Variants in SAAL1 observed in about 807,000 individuals in gnomAD.
The protein encoded by SAAL1 is protein SAAL1.
A neutral mutation model predicts 59.8 loss-of-function variants in SAAL1; 42 were observed. That is an observed-to-expected ratio of 0.70 (90% CI 0.55 to 0.91). SAAL1 has a LOEUF of 0.91. Ranked by LOEUF, SAAL1 falls within the 40% of genes least tolerant of loss-of-function variation. The pLI is 0.00. For missense variants in SAAL1, 542 were observed against 561.1 expected (o/e 0.97, Z 0.34); for synonymous variants, 191 against 194.3 (o/e 0.98, Z 0.14).
chr11:18,088,621 C>T (rs1391268858), intron 7 of SAAL1, among the ~76,000 whole-genome samples: 1 of 152,152 alleles, frequency 6.6e-6, no homozygotes, highest in Non-Finnish European at 1.5e-5. Flanking sequence ...GAGTTGACTG[C>T]AATGGGAAAA....
At chr11:18,081,825 A>C in intron 10 of SAAL1, 3 of 232,198 alleles carry the variant, frequency 1.3e-5, no homozygotes, top group Non-Finnish European at 1.7e-5. Context: ...TCTTACCCCC[A>C]TCCCTCCTCT....
At chr11:18,081,623 A>G (rs1848410838) in intron 10 of SAAL1, 120 bp from the exon 11 acceptor site, 4 of 706,950 alleles carry the variant, frequency 5.7e-6, no homozygotes, top group Admixed American at 2.3e-5. Flanking sequence ...CAAATGTCCC[A>G]CCTGAACCCA....
At position 18,105,921 on chromosome 11, in the gene SAAL1, T is replaced by G. The variant is rs149299177; in HGVS notation, c.121A>C (p.Ser41Arg). 290 of 1,603,492 alleles carry G rather than the reference T, an allele frequency of 1.8e-4. No homozygotes were observed. The African/African-American group carries it at 3.4e-3, about 19-fold the overall frequency. ...YSKHWLFGVL[S>R]GLIQIVSPEN... is the part of the protein sequence containing the mutation. ...AGTTTCCACACCTGGATGAGTCCGC[T>G]GAGGACGCCGAAGAGCCAGTGTTTG... The change falls in exon 1 of 12, where the codon AGC (serine) becomes CGC (arginine). Residue 41 changes from serine to arginine, a missense_variant. Coordinates refer to ENST00000524803, the MANE Select transcript of SAAL1 (RefSeq NM_138421.3).
At chr11:18,097,849 A>G (rs1392400342) in intron 2 of SAAL1, among the ~76,000 whole-genome samples, 4 of 141,530 alleles carry the variant, frequency 2.8e-5, no homozygotes, top group African/African-American at 1.1e-4. Context: ...AAAAAAAAAA[A>G]AAAGGTAAAA....
In SAAL1 at chr11:18,084,984, T is replaced by C. The variant is rs1192936116; in HGVS notation, c.1043-1253A>G. On this transcript the variant is annotated intron_variant, in intron 9 of 11. Coordinates refer to ENST00000524803, the MANE Select transcript of SAAL1 (RefSeq NM_138421.3). ...TTTCACCATGTTAGCCAGACTGACT[T>C]TGAACTCCTGACCTCAGGTAATCTG... Among the ~76,000 whole-genome samples the C allele has an allele frequency of 3.9e-5, 6 of 152,296 alleles. No homozygotes were observed. In the East Asian group the frequency reaches 1.2e-3, roughly 29 times the overall value.
Position 18,103,011 on chromosome 11 carries a change from C to T in SAAL1, c.249+222G>A, listed in dbSNP as rs180708607. Among the ~76,000 whole-genome samples, 17 of 152,256 alleles carry T rather than the reference C, an allele frequency of 1.1e-4. No homozygotes were observed. The East Asian group carries it at 3.1e-3, about 28-fold the overall frequency. On this transcript the variant is annotated intron_variant, in intron 2 of 11. Transcript: ENST00000524803. Reference sequence around the variant, plus strand: ...TATAGGAATACATTCATAAGAGCTACGTATTTAGTCCGAATCTGTTGAGAG... The same window carrying T: ...TATAGGAATACATTCATAAGAGCTATGTATTTAGTCCGAATCTGTTGAGAG...
At chr11:18,081,284 A>G in intron 11 of SAAL1, 127 bp downstream of exon 11, 1 of 636,488 alleles carries the variant, frequency 1.6e-6, no homozygotes, top group Non-Finnish European at 2.8e-6. Context: ...TATCTGACAA[A>G]GGCATTAAGT....
intron 3 of SAAL1, among the ~76,000 whole-genome samples, chr11:18,093,287 GT>G (rs1018500566): frequency 1.3e-5 from 2 of 152,158 alleles, no homozygotes; most frequent in Admixed American, 1.3e-4. Flanking sequence ...ACATGAAAAG[GT>G]AAAAGTTCTT....
intron 9 of SAAL1, among the ~76,000 whole-genome samples, chr11:18,084,102 C>T (rs182602151): frequency 6.6e-6 from 1 of 152,160 alleles, no homozygotes; most frequent in African/African-American, 2.4e-5. Flanking sequence ...TTTGAGAGGC[C>T]AAGATGGGCG....
In SAAL1 at chr11:18,090,162, C is replaced by T. The variant is rs761293453; in HGVS notation, c.589+13G>A. The T allele has an allele frequency of 7.6e-6, 12 of 1,574,636 alleles. No homozygotes were observed. The East Asian group carries it at 2.2e-4, about 29-fold the overall frequency. On this transcript the variant is annotated intron_variant, in intron 6 of 11. Transcript: ENST00000524803. ...TTTAAAACATTTTTTTTCTAGAGTA[C>T]ATGATGACTTACCATTTGTTGAACT...
intron 4 of SAAL1, 33 bp downstream of exon 4, chr11:18,092,212 T>C (rs1291912863): frequency 1.9e-6 from 2 of 1,074,342 alleles, no homozygotes; most frequent in Admixed American, 2.1e-5. Flanking sequence ...TAAATGAATA[T>C]ATTAAAAAAC....
intron 2 of SAAL1, among the ~76,000 whole-genome samples, chr11:18,100,055 C>T (rs1848619210): frequency 6.6e-6 from 1 of 152,192 alleles, no homozygotes; most frequent in African/African-American, 2.4e-5. Flanking sequence ...GCGCTGTTTT[C>T]TCAATTTTAA....
chr11:18,090,526 C>G (rs1339711738), intron 4 of SAAL1, 33 bp from the exon 5 acceptor site: 13 of 1,581,350 alleles, frequency 8.2e-6, no homozygotes, highest in Non-Finnish European at 1.1e-5. Flanking sequence ...CGATATGCCT[C>G]ACTTCTCGCA....
Position 18,103,229 on chromosome 11 carries a change from A to C in SAAL1, c.249+4T>G. On this transcript the variant is annotated splice_donor_region_variant and intron_variant, in intron 2 of 11. Coordinates refer to ENST00000524803, the MANE Select transcript of SAAL1 (RefSeq NM_138421.3). ...TCTTCAGAGTTTTGTTTCCAGCCTC[A>C]TACCTCATCCATTGACATATCCCAT... 1 of 1,588,640 alleles carries C rather than the reference A, an allele frequency of 6.3e-7. No individual in the cohort carries two copies. Among genetic ancestry groups the C allele is most frequent in the South Asian group, 1.1e-5 (1 of 90,548 alleles).
At chr11:18,101,820 TAAAA>T (rs58015469) in intron 2 of SAAL1, among the ~76,000 whole-genome samples, 7 of 113,178 alleles carry the variant, frequency 6.2e-5, no homozygotes, top group Admixed American at 9.8e-5. Context: ...CATTCAGCAA[TAAAA>T]AAAAAAAAAA....
At chr11:18,092,450 G>T (rs2134060450) in intron 3 of SAAL1, 126 bp from the exon 4 acceptor site, 2 of 671,346 alleles carry the variant, frequency 3.0e-6, no homozygotes, top group Middle Eastern at 2.5e-4. Context: ...GCAGGATAAA[G>T]AAATACATAT....
rs374473568 is a variant in SAAL1, at chr11:18,081,402, C to T, written c.1332+9G>A. The T allele has an allele frequency of 6.2e-7, 1 of 1,602,992 alleles. No individual in the cohort carries two copies. The highest frequency in any genetic ancestry group is 8.5e-7 in the Non-Finnish European group (1 of 1,170,896). Reference sequence around the variant, plus strand: ...ACTTGGCCACCTATATACATTTACCCATACTCACCACAGGGCTATAGAAAG... The same window carrying T: ...ACTTGGCCACCTATATACATTTACCTATACTCACCACAGGGCTATAGAAAG... On this transcript the variant is annotated intron_variant, in intron 11 of 11. Coordinates refer to ENST00000524803, the MANE Select transcript of SAAL1 (RefSeq NM_138421.3).
intron 10 of SAAL1, 35 bp downstream of exon 10, chr11:18,083,500 T>C (rs780900231): frequency 7.8e-7 from 1 of 1,284,082 alleles, no homozygotes; most frequent in Non-Finnish European, 1.1e-6. Context: ...CCACACTTTC[T>C]TTTGCTTATG....
At chr11:18,101,027 C>T (rs919685707) in intron 2 of SAAL1, among the ~76,000 whole-genome samples, 20 of 152,130 alleles carry the variant, frequency 1.3e-4, no homozygotes, top group African/African-American at 4.6e-4. Flanking sequence ...AGATGCTCAT[C>T]ATTAGGAATT....
Sources: allele counts gnomAD v4.1 joint callset (sites outside exome capture counted in the v4.1 genomes callset), GRCh38; gene constraint gnomAD v4.1.1; transcripts MANE v1.5; gene names NCBI Gene and HGNC (gene_info 2026-07-23, HGNC 2026-07-21).